Variants in PTPMT1 observed in about 807,000 individuals in gnomAD.
The protein encoded by PTPMT1 is protein tyrosine phosphatase mitochondrial 1, also known as phosphatidylglycerophosphatase and protein-tyrosine phosphatase 1.
A neutral mutation model predicts 17.8 loss-of-function variants in PTPMT1; 12 were observed. That is an observed-to-expected ratio of 0.67 (90% CI 0.43 to 1.09). The LOEUF is 1.09. Ranked by LOEUF, PTPMT1 falls within the 50% of genes least tolerant of loss-of-function variation. The probability of loss-of-function intolerance (pLI) is 0.00; values close to 1 mark genes in which losing one functional copy is unlikely to be tolerated. For missense variants in PTPMT1, 262 were observed against 266.0 expected (o/e 0.99, Z 0.10); for synonymous variants, 132 against 116.8 (o/e 1.13, Z -0.84).
At position 47,573,265 on chromosome 11, in the gene PTPMT1, C is replaced by T. The variant is rs754909672; in HGVS notation, c.*1636C>T. The T allele has an allele frequency of 6.2e-7, 1 of 1,614,026 alleles. No individual in the cohort carries two copies. The highest frequency in any genetic ancestry group is 8.5e-7 in the Non-Finnish European group (1 of 1,180,034). On this transcript the variant is annotated 3_prime_UTR_variant, in exon 4 of 4. Coordinates refer to ENST00000326674, the MANE Select transcript of PTPMT1 (RefSeq NM_175732.3). This position sits in a 1 kb window ranked among gnomAD's most constrained non-coding sequence, Gnocchi z 4.1. ...ACATAGGGCTTCACATGGCATTTGT[C>T]TGTCTCTGTGTCAAAGCACTGGATG...
chr11:47,572,365 A>C lies in PTPMT1; in HGVS notation c.*736A>C, dbSNP rs995467204. On this transcript the variant is annotated 3_prime_UTR_variant, in exon 4 of 4. Coordinates refer to ENST00000326674, the MANE Select transcript of PTPMT1 (RefSeq NM_175732.3). Reference sequence around the variant, plus strand: ...ACCCCTTGGAATAAGCCAAAAATAAAACCAAAGTTACATTTCCTGACAGAT... The same window carrying C: ...ACCCCTTGGAATAAGCCAAAAATAACACCAAAGTTACATTTCCTGACAGAT... 1.3e-5 allele frequency: 2 copies of C among 153,092 alleles called. No individual in the cohort carries two copies. Among genetic ancestry groups the C allele is most frequent in the Admixed American group, 1.3e-4 (2 of 15,310 alleles). 9.5% of individuals were successfully genotyped at this position (153,092 alleles called of 1,614,324 possible). A position where few individuals can be genotyped will look rare whatever the true frequency, so the allele number is the denominator to read the frequency against.
chr11:47,566,526 C>T (rs949532127), intron 2 of PTPMT1, among the ~76,000 whole-genome samples: 6 of 150,978 alleles, frequency 4.0e-5, no homozygotes, highest in Non-Finnish European at 7.4e-5. Context: ...TTGACAAAGC[C>T]TGATTTCTCC....
intron 2 of PTPMT1, 150 bp downstream of exon 2, chr11:47,566,136 A>C: frequency 2.4e-6 from 2 of 842,546 alleles, no homozygotes; most frequent in Non-Finnish European, 3.5e-6. Flanking sequence ...GTGCCTCTAA[A>C]TGGCACCTGG....
chr11:47,565,831 G>A (rs1270436109), intron 1 of PTPMT1, 35 bp downstream of exon 1: 1 of 1,593,424 alleles, frequency 6.3e-7, no homozygotes, highest in Non-Finnish European at 8.5e-7. Context: ...CCCCTGCCCC[G>A]TCCCCGCCGC....
At chr11:47,569,603 C>A in intron 2 of PTPMT1, 97 bp from the exon 3 acceptor site, 2 of 929,486 alleles carry the variant, frequency 2.2e-6, no homozygotes, top group Non-Finnish European at 3.2e-6. Flanking sequence ...AACCCTGAAA[C>A]TTCCTTGTTG....
At chr11:47,569,076 C>T (rs2097248017) in intron 2 of PTPMT1, among the ~76,000 whole-genome samples, 1 of 152,038 alleles carries the variant, frequency 6.6e-6, no homozygotes, top group Non-Finnish European at 1.5e-5. Context: ...TATTCAAGTA[C>T]CCAAAGGGTA....
intron 2 of PTPMT1, among the ~76,000 whole-genome samples, chr11:47,569,321 G>A (rs1176450146): frequency 2.7e-5 from 4 of 150,256 alleles, no homozygotes; most frequent in African/African-American, 9.8e-5. Flanking sequence ...GGGAGGTGGA[G>A]GTTGTGGTGA....
chr11:47,568,692 A>T (rs2097247719), intron 2 of PTPMT1, among the ~76,000 whole-genome samples: 1 of 151,808 alleles, frequency 6.6e-6, no homozygotes, highest in African/African-American at 2.4e-5. Flanking sequence ...TCTAAAATAA[A>T]ATATATATAT....
intron 3 of PTPMT1, among the ~76,000 whole-genome samples, chr11:47,570,485 C>T (rs1290448106): frequency 6.6e-6 from 1 of 152,164 alleles, no homozygotes. Flanking sequence ...TGGCCTATAG[C>T]GGGCACTCTA....
intron 3 of PTPMT1, 110 bp downstream of exon 3, chr11:47,570,001 T>A (rs2097248678): frequency 1.2e-6 from 1 of 812,328 alleles, no homozygotes; most frequent in Non-Finnish European, 2.0e-6. Context: ...GAGACCAGCC[T>A]GGGCAACATG....
intron 3 of PTPMT1, 131 bp downstream of exon 3, chr11:47,570,022 C>T (rs2097248688): frequency 4.3e-6 from 3 of 690,344 alleles, no homozygotes; most frequent in Non-Finnish European, 7.3e-6. Context: ...GCAAAACCGT[C>T]TCTACAAAAA....
rs931774777 is a variant in PTPMT1 at position 47,571,843 on chromosome 11, G to A, written c.*214G>A. The A allele has an allele frequency of 3.3e-5, 18 of 537,696 alleles. No homozygotes were observed. Among genetic ancestry groups the A allele is most frequent in the Non-Finnish European group, 5.9e-5 (18 of 303,360 alleles). The allele number at this position is 537,696 out of a possible 1,614,324, so 33.3% of individuals were successfully genotyped here. A position where few individuals can be genotyped will look rare whatever the true frequency, so the allele number is the denominator to read the frequency against. On this transcript the variant is annotated 3_prime_UTR_variant, in exon 4 of 4. Coordinates refer to ENST00000326674, the MANE Select transcript of PTPMT1 (RefSeq NM_175732.3). ...AGATTTAGTGTGGCTTGTATTCATG[G>A]GATACAGGACAGGGATGGGGCTATC...
At chr11:47,570,426 C>G (rs1252109294) in intron 3 of PTPMT1, among the ~76,000 whole-genome samples, 1 of 152,128 alleles carries the variant, frequency 6.6e-6, no homozygotes, top group Non-Finnish European at 1.5e-5. Flanking sequence ...AACATGTTTT[C>G]TCAAACTAAA....
At chr11:47,566,882 A>G (rs1444764175) in intron 2 of PTPMT1, among the ~76,000 whole-genome samples, 1 of 152,178 alleles carries the variant, frequency 6.6e-6, no homozygotes, top group Non-Finnish European at 1.5e-5. Flanking sequence ...CTAAAACATA[A>G]CTTTCATTAA....
intron 3 of PTPMT1, 48 bp downstream of exon 3, chr11:47,569,939 C>T: frequency 6.7e-7 from 1 of 1,493,204 alleles, no homozygotes; most frequent in Non-Finnish European, 9.2e-7. Flanking sequence ...CACTTATGAT[C>T]CCAGCACTTT....
At chr11:47,566,136 AT>A in intron 2 of PTPMT1, 150 bp downstream of exon 2, 4 of 842,538 alleles carry the variant, frequency 4.7e-6, no homozygotes, top group Non-Finnish European at 7.0e-6. Context: ...GTGCCTCTAA[AT>A]GGCACCTGGA....
intron 2 of PTPMT1, among the ~76,000 whole-genome samples, chr11:47,568,714 G>A (rs1006283649): frequency 5.3e-5 from 8 of 151,994 alleles, no homozygotes; most frequent in African/African-American, 1.9e-4. Flanking sequence ...TTTTTGAGAT[G>A]TTGTTTTGCT....
In PTPMT1 at chr11:47,569,105, T is replaced by C. The variant is rs1323909399; in HGVS notation, c.256-595T>C. ...AAGGGTAGTTTAAGAACACTTTACCTGCTGGTGTGGTGGCTCACACCTGTA... is the reference window on the plus strand; with the variant it reads ...AAGGGTAGTTTAAGAACACTTTACCCGCTGGTGTGGTGGCTCACACCTGTA... On this transcript the variant is annotated intron_variant, in intron 2 of 3. Transcript: ENST00000326674. Among the ~76,000 whole-genome samples the C allele has an allele frequency of 2.6e-5, 4 of 152,032 alleles. No individual in the cohort carries two copies. The East Asian group carries it at 7.7e-4, about 29-fold the overall frequency.
chr11:47,569,653 A>G (rs1022724369), intron 2 of PTPMT1, 47 bp from the exon 3 acceptor site: 2 of 1,500,038 alleles, frequency 1.3e-6, no homozygotes, highest in East Asian at 2.3e-5. Context: ...TCCCACCCAC[A>G]TAGTTTTTTT....
Sources: allele counts gnomAD v4.1 joint callset (sites outside exome capture counted in the v4.1 genomes callset), GRCh38; gene constraint gnomAD v4.1.1; non-coding constraint Gnocchi (gnomAD v3.1); transcripts MANE v1.5; gene names NCBI Gene and HGNC (gene_info 2026-07-23, HGNC 2026-07-21).